The following TNS1 variants were observed in gnomAD, a reference collection of about 807,000 sequenced individuals.
TNS1 encodes the protein tensin 1, also known as tensin-1.
TNS1 carries 62 observed loss-of-function variants against 168.6 expected under a neutral mutation model. The ratio of observed to expected loss-of-function variants is 0.37; its 90% CI spans 0.30 to 0.45. TNS1 has a LOEUF of 0.45. Among genes scored for constraint, TNS1 ranks in the 20% least tolerant of loss-of-function variants. The pLI, the probability that TNS1 is intolerant of heterozygous loss-of-function variation, is 1.00. For synonymous variants in TNS1, 934 were observed against 933.2 expected (o/e 1.00, Z -0.02); for missense variants, 2,240 against 2,339.4 (o/e 0.96, Z 0.88).
intron 22 of TNS1, among the ~76,000 whole-genome samples, chr2:217,827,996 G>A (rs548392397): frequency 8.5e-5 from 13 of 152,332 alleles, no homozygotes; most frequent in South Asian, 2.1e-4. Context: ...AACCAGCTGC[G>A]AGGAGAGCTG....
intron 22 of TNS1, among the ~76,000 whole-genome samples, chr2:217,826,059 G>A (rs1029226857): frequency 6.6e-6 from 1 of 152,046 alleles, no homozygotes; most frequent in African/African-American, 2.4e-5. Flanking sequence ...TGCCCTCACC[G>A]GGCCCCCACC....
rs1353018215 is a variant in TNS1 at position 217,907,216 on chromosome 2, C to T, written c.264G>A (p.Val88=). 1.4e-6 allele frequency: 1 copy of T among 703,202 alleles called. No individual in the cohort carries two copies. Among genetic ancestry groups the T allele is most frequent in the African/African-American group, 1.7e-5 (1 of 57,398 alleles). The allele number at this position is 703,202 out of a possible 1,614,324, so 43.6% of individuals were successfully genotyped here. A position where few individuals can be genotyped will look rare whatever the true frequency, so the allele number is the denominator to read the frequency against. Residue 88 remains valine (V), a synonymous_variant, in exon 5 of 33, where the codon GTG becomes GTA. Coordinates refer to ENST00000682258, the MANE Select transcript of TNS1 (RefSeq NM_001387777.1). ...ITTENAPKNV[V]DKGEGASRGG... is the part of the protein sequence containing the mutation. ...ACCACCTGCCATCACTCACCTTGTC[C>T]ACTACATTCTTTGGTGCATTCTCAG...
intron 18 of TNS1, among the ~76,000 whole-genome samples, chr2:217,869,530 G>C (rs974761617): frequency 1.3e-5 from 2 of 152,166 alleles, no homozygotes; most frequent in African/African-American, 4.8e-5. Context: ...AGAGCCAGGG[G>C]TGGCATCAAC....
chr2:217,891,167 G>A (rs1288814817), intron 11 of TNS1, 122 bp from the exon 12 acceptor site: 3 of 860,536 alleles, frequency 3.5e-6, no homozygotes, highest in Non-Finnish European at 5.6e-6. Context: ...TTGTCCTGGA[G>A]GGAAGACAAG....
chr2:217,960,582 G>C (rs760220471), intron 3 of TNS1, among the ~76,000 whole-genome samples: 5 of 152,080 alleles, frequency 3.3e-5, no homozygotes, highest in African/African-American at 4.8e-5. Context: ...TCTAGCACTC[G>C]GCCTCCACGT....
At position 217,981,777 on chromosome 2, in the gene TNS1, G is replaced by C. The variant is rs529552504; in HGVS notation, c.149-2975C>G. 1.1e-3 allele frequency among the ~76,000 whole-genome samples: 163 copies of C among 152,334 alleles called. 2 individuals carry two copies. In the South Asian group the frequency reaches 0.014, roughly 13 times the overall value. The stretch of plus-strand genomic sequence containing the variant: ...GTCTCACATATCCTCCCAAGGGGCA[G>C]TATGTCCTCCTCTCTAACGTGCATC... On this transcript the variant is annotated intron_variant, in intron 2 of 32. Transcript: ENST00000682258.
chr2:217,866,160 G>T (rs1482567557), intron 18 of TNS1, among the ~76,000 whole-genome samples: 1 of 152,218 alleles, frequency 6.6e-6, no homozygotes, highest in African/African-American at 2.4e-5. Flanking sequence ...CAGCCACGGT[G>T]TAACAAACAG....
intron 1 of TNS1, among the ~76,000 whole-genome samples, chr2:218,017,372 G>A (rs1335987242): frequency 2.0e-5 from 3 of 152,232 alleles, no homozygotes; most frequent in African/African-American, 7.2e-5. Flanking sequence ...CATCCCTTGG[G>A]CAGCCTAGCC....
At position 217,802,944 on chromosome 2, in the gene TNS1, C is replaced by A. The variant is rs1014330273; in HGVS notation, c.*1515G>T. On this transcript the variant is annotated 3_prime_UTR_variant, in exon 33 of 33. Coordinates refer to ENST00000682258, the MANE Select transcript of TNS1 (RefSeq NM_001387777.1). ...TGAATTTTCCATTCTGGCTTAGAGTCCTTAAATGGTGGTCAGGTGTTTTCC... is the reference window on the plus strand; with the variant it reads ...TGAATTTTCCATTCTGGCTTAGAGTACTTAAATGGTGGTCAGGTGTTTTCC... The A allele has an allele frequency of 5.9e-5, 9 of 152,626 alleles. No individual in the cohort carries two copies. Among genetic ancestry groups the A allele is most frequent in the African/African-American group, 2.2e-4 (9 of 41,448 alleles). The allele number at this position is 152,626 out of a possible 1,614,324, so 9.5% of individuals were successfully genotyped here. A position where few individuals can be genotyped will look rare whatever the true frequency, so the allele number is the denominator to read the frequency against.
intron 29 of TNS1, 73 bp downstream of exon 29, chr2:217,810,175 G>T (rs1024537441): frequency 1.9e-6 from 3 of 1,554,022 alleles, no homozygotes; most frequent in African/African-American, 1.4e-5. Flanking sequence ...CAGCCTGCAC[G>T]TGCAGGAGGG....
At chr2:217,808,766 T>A in intron 30 of TNS1, 95 bp from the exon 31 acceptor site, 1 of 1,161,982 alleles carries the variant, frequency 8.6e-7, no homozygotes, top group Non-Finnish European at 1.3e-6. Flanking sequence ...TTCCACCATC[T>A]GTGGCTATCG....
At chr2:218,014,917 AAGGAAGGC>A (rs1473177569), upstream of TNS1, among the ~76,000 whole-genome samples, 2,183 of 76,202 alleles carry the variant, frequency 0.029, 30 homozygotes, top group African/African-American at 0.067. Context: ...GGAAGGAAGG[AAGGAAGGC>A]AGGCAGGCAG....
At position 217,890,986 on chromosome 2, in the gene TNS1, G is replaced by A. The variant is rs1951685674; in HGVS notation, c.842C>T (p.Pro281Leu). The A allele has an allele frequency of 6.2e-7, 1 of 1,614,096 alleles. No individual in the cohort carries two copies. Among genetic ancestry groups the A allele is most frequent in the African/African-American group, 1.3e-5 (1 of 74,924 alleles). The change falls in exon 12 of 33, where the codon CCC becomes CTC. Residue 281 changes from proline (P) to leucine (L), a missense_variant. Pro to Leu is a moderately conservative substitution (Grantham distance 98, BLOSUM62 -3). Around this residue, in one of 2 missense-constraint regions of TNS1, gnomAD observed 2,131 missense variants for 2,171.2 expected, o/e 0.98. Transcript: ENST00000682258. Reference sequence around the variant, plus strand: ...CCTTCTTTGGGATGGCTGGCCAATGGGCACAATCTTATCCTCATAGAACCG... The same window carrying A: ...CCTTCTTTGGGATGGCTGGCCAATGAGCACAATCTTATCCTCATAGAACCG... ...MKRFYEDKIV[P>L]IGQPSQRRYV...
At chr2:218,013,962 A>T (rs577783830), upstream of TNS1, among the ~76,000 whole-genome samples, 1 of 152,222 alleles carries the variant, frequency 6.6e-6, no homozygotes, top group East Asian at 1.9e-4. Flanking sequence ...AGGGCCCCTT[A>T]TTCCCCCAGA....
At chr2:217,966,306 T>TGTGC (rs1250789188) in intron 3 of TNS1, among the ~76,000 whole-genome samples, 1 of 135,226 alleles carries the variant, frequency 7.4e-6, no homozygotes, top group Admixed American at 7.0e-5. Flanking sequence ...TGTGTGTGTG[T>TGTGC]GTGCGCGCGC....
chr2:217,874,725 T>C (rs1950068035), intron 18 of TNS1, among the ~76,000 whole-genome samples: 1 of 152,248 alleles, frequency 6.6e-6, no homozygotes, highest in Non-Finnish European at 1.5e-5. Context: ...CACAAATCAC[T>C]GCCAGCATGG....
intron 32 of TNS1, among the ~76,000 whole-genome samples, chr2:217,807,251 C>A (rs1278231265): frequency 6.6e-6 from 1 of 152,174 alleles, no homozygotes. Context: ...TTGGAATAAT[C>A]CTGACAAAGT....
chr2:218,004,476 A>G (rs1374073612), upstream of TNS1, among the ~76,000 whole-genome samples: 1 of 152,060 alleles, frequency 6.6e-6, no homozygotes, highest in African/African-American at 2.4e-5. Context: ...CACTTGTGCC[A>G]ACTCCCAGCC....
intron 1 of TNS1, among the ~76,000 whole-genome samples, chr2:218,000,564 T>C (rs1270416159): frequency 6.6e-6 from 1 of 152,244 alleles, no homozygotes; most frequent in African/African-American, 2.4e-5. Context: ...TGATATCTAT[T>C]GTCTCTTTCC....
Sources: gnomAD v4.1 joint callset for allele counts (sites outside exome capture counted in the v4.1 genomes callset) on GRCh38, gnomAD v4.1.1 for gene constraint, gnomAD v4.1.1 regional missense constraint, MANE v1.5 for transcripts, NCBI Gene and HGNC (gene_info 2026-07-23, HGNC 2026-07-21) for gene names.